Variants in TJP1 observed in about 807,000 individuals in gnomAD.
TJP1 encodes the protein tight junction protein 1.
A neutral mutation model predicts 194.2 loss-of-function variants in TJP1; 43 were observed. That is an observed-to-expected ratio of 0.22 (90% CI 0.17 to 0.29). The LOEUF is 0.29. TJP1 is among the 10% of genes least tolerant of loss of function. The pLI is 1.00. For missense variants in TJP1, 1,971 were observed against 2,185.7 expected (o/e 0.90, Z 1.96); for synonymous variants, 801 against 779.0 (o/e 1.03, Z -0.47).
At chr15:29,942,115 T>C (rs1052055604) in intron 2 of TJP1, among the ~76,000 whole-genome samples, 8 of 152,336 alleles carry the variant, frequency 5.3e-5, no homozygotes, top group Middle Eastern at 3.4e-3. Flanking sequence ...ATTCTCTTCT[T>C]TGAAATAACA....
chr15:29,821,448 C>G (rs935506480), intron 1 of TJP1: 1 of 152,178 alleles, frequency 6.6e-6, no homozygotes, highest in African/African-American at 2.4e-5. Flanking sequence ...AAAGAAAACC[C>G]GACCTACTAC....
chr15:29,848,037 T>A lies in TJP1; in HGVS notation c.307-47335A>T, dbSNP rs548261054. Reference sequence around the variant, plus strand: ...TTCCTGTTGTGTTTCTGTTACTGTTTCCTAGTTTGATTTCATTGTGGCAGA... The same window carrying A: ...TTCCTGTTGTGTTTCTGTTACTGTTACCTAGTTTGATTTCATTGTGGCAGA... On this transcript the variant is annotated intron_variant, in intron 2 of 28. Transcript: ENST00000356107. Among the ~76,000 whole-genome samples the A allele has an allele frequency of 1.3e-5, 2 of 152,290 alleles. 1 individual carries two copies. Among genetic ancestry groups the A allele is most frequent in the South Asian group, 4.1e-4 (2 of 4,824 alleles).
chr15:29,700,244 T>C lies in TJP1; in HGVS notation c.*1351A>G, dbSNP rs2041458205. The C allele has an allele frequency of 2.5e-6, 1 of 398,844 alleles. No individual in the cohort carries two copies. Among genetic ancestry groups the C allele is most frequent in the Admixed American group, 4.4e-5 (1 of 22,710 alleles). The allele number at this position is 398,844 out of a possible 1,614,324, so 24.7% of individuals were successfully genotyped here. A position where few individuals can be genotyped will look rare whatever the true frequency, so the allele number is the denominator to read the frequency against. On this transcript the variant is annotated 3_prime_UTR_variant, in exon 28 of 28. Transcript: ENST00000614355. ...CAGTCACACCTAATGATTAACAGAA[T>C]GTAGTGGTGTATTATCTAAACAGAA...
chr15:29,832,026 A>C (rs918593130), intron 2 of TJP1, among the ~76,000 whole-genome samples: 5 of 152,196 alleles, frequency 3.3e-5, no homozygotes, highest in Non-Finnish European at 5.9e-5. Context: ...GTCAGCTAAA[A>C]TAGGTAGACT....
intron 2 of TJP1, among the ~76,000 whole-genome samples, chr15:29,869,790 TCTTTC>T (rs2052434422): frequency 3.7e-5 from 5 of 135,030 alleles, no homozygotes; most frequent in Admixed American, 2.4e-4. Flanking sequence ...TTTCTTTCTT[TCTTTC>T]TTTTTTTTTT....
intron 2 of TJP1, among the ~76,000 whole-genome samples, chr15:29,894,469 T>C (rs1480622597): frequency 6.6e-6 from 1 of 152,140 alleles, no homozygotes; most frequent in Non-Finnish European, 1.5e-5. Context: ...AAAAAATATA[T>C]ATGCAAAATT....
chr15:29,763,919 C>T (rs1379119127), intron 5 of TJP1, among the ~76,000 whole-genome samples: 1 of 152,154 alleles, frequency 6.6e-6, no homozygotes, highest in Non-Finnish European at 1.5e-5. Flanking sequence ...ATGGTCATTA[C>T]ATCACAGAAG....
At chr15:29,847,077 C>T (rs1018262498) in intron 2 of TJP1, among the ~76,000 whole-genome samples, 7 of 152,012 alleles carry the variant, frequency 4.6e-5, no homozygotes, top group East Asian at 1.9e-4. Flanking sequence ...TAGTACAAAA[C>T]GATACATAGT....
intron 1 of TJP1, among the ~76,000 whole-genome samples, chr15:29,818,833 T>A (rs952043856): frequency 6.6e-6 from 1 of 151,930 alleles, no homozygotes; most frequent in Non-Finnish European, 1.5e-5. Context: ...CTTTTTGTTT[T>A]TGAGACGGAA....
In TJP1 at chr15:29,767,425, G is replaced by C. The variant is rs139714302; in HGVS notation, c.313-883C>G. Among the ~76,000 whole-genome samples, 120 of 152,074 alleles carry C rather than the reference G, an allele frequency of 7.9e-4. 1 individual carries two copies. In the East Asian group the frequency reaches 0.021, roughly 26 times the overall value. ...TCTTATTTCCAATTCCTTCATCTTA[G>C]TTCATCAGTTCCATCCTGGTTTCAC... On this transcript the variant is annotated intron_variant, in intron 4 of 27. Transcript: ENST00000614355.
intron 2 of TJP1, among the ~76,000 whole-genome samples, chr15:29,895,999 C>T (rs1420918871): frequency 2.6e-5 from 4 of 152,148 alleles, no homozygotes; most frequent in African/African-American, 9.7e-5. Flanking sequence ...TCTGGGGCCT[C>T]TTCTACAAGT....
At chr15:29,734,591 C>T (rs1388037602) in intron 11 of TJP1, among the ~76,000 whole-genome samples, 1 of 151,306 alleles carries the variant, frequency 6.6e-6, no homozygotes, top group Non-Finnish European at 1.5e-5. Flanking sequence ...TCAAGTGATT[C>T]TCCTGCCTCA....
chr15:29,932,836 T>C (rs984046591), intron 2 of TJP1, among the ~76,000 whole-genome samples: 3 of 152,180 alleles, frequency 2.0e-5, no homozygotes, highest in African/African-American at 7.2e-5. Flanking sequence ...TTAGGCTCAC[T>C]GAAAATATTC....
intron 2 of TJP1, among the ~76,000 whole-genome samples, chr15:29,903,858 C>A (rs1241948311): frequency 1.3e-5 from 2 of 152,156 alleles, no homozygotes; most frequent in Non-Finnish European, 1.5e-5. Context: ...ACAAGAAATT[C>A]CTTTATGGAA....
intron 1 of TJP1, among the ~76,000 whole-genome samples, chr15:29,960,697 G>A (rs1269934819): frequency 6.6e-6 from 1 of 151,034 alleles, no homozygotes; most frequent in African/African-American, 2.4e-5. Context: ...GTGAAAATCA[G>A]CTCTGGACCT....
chr15:29,857,189 A>G (rs1309333738), intron 2 of TJP1, among the ~76,000 whole-genome samples: 1 of 152,200 alleles, frequency 6.6e-6, no homozygotes, highest in African/African-American at 2.4e-5. Context: ...TGGGGAGTCC[A>G]GTCTAAATAT....
intron 1 of TJP1, among the ~76,000 whole-genome samples, chr15:29,967,018 CTT>C (rs200016160): frequency 1.0e-4 from 15 of 144,790 alleles, no homozygotes; most frequent in Admixed American, 2.1e-4. Flanking sequence ...ATTAAAATAT[CTT>C]TTTTTTTTTT....
chr15:29,824,445 A>AATCATCATCATCATCATCATC (rs34399157), upstream of TJP1, among the ~76,000 whole-genome samples: 1 of 145,808 alleles, frequency 6.9e-6, no homozygotes, highest in East Asian at 2.0e-4. Flanking sequence ...CTCCGTCTCA[A>AATCATCATCATCATCATCATC]ATCATCATCA....
Position 29,860,569 on chromosome 15 carries a change from C to T in TJP1, c.307-59867G>A, listed in dbSNP as rs2052039187. On this transcript the variant is annotated intron_variant, in intron 2 of 28. Coordinates refer to the TJP1 transcript ENST00000356107. ...ACTTCCTTCATTTACCCTGAGTTTT[C>T]AAGGTTCCCCCATGTGGTATCACAT... 4.6e-5 allele frequency among the ~76,000 whole-genome samples: 7 copies of T among 152,136 alleles called. No homozygotes were observed. In the South Asian group the frequency reaches 1.5e-3, roughly 32 times the overall value.
Sources: gnomAD v4.1 joint callset for allele counts (sites outside exome capture counted in the v4.1 genomes callset) on GRCh38, gnomAD v4.1.1 for gene constraint, MANE v1.5 for transcripts, NCBI Gene and HGNC (gene_info 2026-07-23, HGNC 2026-07-21) for gene names.